Variants in DRC1 observed in about 807,000 individuals in gnomAD.
DRC1 encodes dynein regulatory complex protein 1.
DRC1 carries 74 observed loss-of-function variants against 98.7 expected under a neutral mutation model. The ratio of observed to expected loss-of-function variants is 0.75; its 90% CI spans 0.62 to 0.91. DRC1 has a LOEUF of 0.91. Ranked by LOEUF, DRC1 falls within the 40% of genes least tolerant of loss-of-function variation. The pLI is 0.00. For missense variants in DRC1, 875 were observed against 886.0 expected (o/e 0.99, Z 0.16); for synonymous variants, 336 against 334.1 (o/e 1.01, Z -0.06).
chr2:26,455,188 G>A lies in DRC1; in HGVS notation c.2121G>A (p.Gln707=), dbSNP rs774759769. ...LLLENSSLEQ[Q]NTELQALLQQ... Reference sequence around the variant, plus strand: ...TGGAAAACAGTTCTCTGGAGCAGCAGAACACAGAGCTGCAGGCGCTACTGC... The same window carrying A: ...TGGAAAACAGTTCTCTGGAGCAGCAAAACACAGAGCTGCAGGCGCTACTGC... Residue 707 remains glutamine, a synonymous_variant, in exon 16 of 17, where the codon CAG becomes CAA. Transcript: ENST00000288710. The A allele has an allele frequency of 1.2e-6, 2 of 1,614,108 alleles. No individual in the cohort carries two copies. The highest frequency in any genetic ancestry group is 1.7e-6 in the Non-Finnish European group (2 of 1,180,042).
chr2:26,450,974 C>T (rs556642517), intron 13 of DRC1, among the ~76,000 whole-genome samples: 1,762 of 128,336 alleles, frequency 0.014, 19 homozygotes, highest in Non-Finnish European at 0.015. Flanking sequence ...TGAGAACATG[C>T]GGTGTTTGGT....
intron 7 of DRC1, among the ~76,000 whole-genome samples, chr2:26,433,397 T>G (rs572109101): frequency 8.5e-5 from 13 of 152,294 alleles, no homozygotes; most frequent in African/African-American, 3.1e-4. Context: ...TACAAATATA[T>G]TTACCAGTCT....
intron 2 of DRC1, among the ~76,000 whole-genome samples, chr2:26,416,098 G>C (rs542857865): frequency 6.6e-6 from 1 of 152,096 alleles, no homozygotes. Flanking sequence ...GGTTTTGAAG[G>C]TTCCTTTCAC....
At chr2:26,456,355 C>G (rs772584329) in intron 16 of DRC1, 106 bp from the exon 17 acceptor site, 2 of 1,358,372 alleles carry the variant, frequency 1.5e-6, no homozygotes, top group Admixed American at 1.8e-5. Context: ...AGAGGAGATG[C>G]GTGCAGGGCT....
At chr2:26,430,352 G>A (rs1484990280) in intron 5 of DRC1, 1 of 362,552 alleles carries the variant, frequency 2.8e-6, no homozygotes, top group Non-Finnish European at 5.5e-6. Context: ...TCTCTCGGTT[G>A]TTAGAGACTC....
chr2:26,401,961 G>C lies in DRC1; in HGVS notation c.-29G>C. On this transcript the variant is annotated 5_prime_UTR_variant, in exon 1 of 17. Transcript: ENST00000288710. ...CTGAGGTCTGGAGGTGGTGCGGAGG[G>C]AGCCGCCTAGGGACCAGGGACTCCT... 1 of 1,571,478 alleles carries C rather than the reference G, an allele frequency of 6.4e-7. No homozygotes were observed. Among genetic ancestry groups the C allele is most frequent in the Non-Finnish European group, 8.6e-7 (1 of 1,158,460 alleles).
Position 26,402,003 on chromosome 2 carries a change from G to A in DRC1, c.14G>A (p.Gly5Glu), listed in dbSNP as rs767420758. The change falls in exon 1 of 17, where the codon GGG becomes GAG. Residue 5 changes from glycine to glutamate, a missense_variant. Physicochemically the swap from Gly to Glu is moderately conservative, Grantham distance 98. Transcript: ENST00000288710. MNPP[G>E]SLEALDPNVD... ...GGGACTCCTGCCATGAATCCGCCGG[G>A]GTCCCTAGAGGCCCTGGACCCGAAC... 14 of 1,607,680 alleles carry A rather than the reference G, an allele frequency of 8.7e-6. No individual in the cohort carries two copies. Among genetic ancestry groups the A allele is most frequent in the Admixed American group, 6.7e-5 (4 of 59,404 alleles).
Position 26,450,653 on chromosome 2 carries a change from G to A in DRC1, c.1661G>A (p.Arg554Gln), listed in dbSNP as rs374438636. 15 of 1,607,514 alleles carry A rather than the reference G, an allele frequency of 9.3e-6. No homozygotes were observed. Among genetic ancestry groups the A allele is most frequent in the African/African-American group, 5.4e-5 (4 of 73,488 alleles). The change falls in exon 13 of 17, where the codon CGA (arginine) becomes CAA (glutamine). Residue 554 changes from arginine (R) to glutamine (Q), a missense_variant. Physicochemically the swap from Arg to Gln is conservative, Grantham distance 43. Transcript: ENST00000288710. ...CTGGTGAACTTCTTCCTTAAATATC[G>A]AGCTCACCGTTTATCTTCCAGCCTC... ...YKLVNFFLKY[R>Q]AHRLSSSLQI... is the part of the protein sequence containing the mutation.
Position 26,413,661 on chromosome 2 carries a change from T to C in DRC1, c.156-683T>C, listed in dbSNP as rs560548900. On this transcript the variant is annotated intron_variant, in intron 1 of 16. Coordinates refer to ENST00000288710, the MANE Select transcript of DRC1 (RefSeq NM_145038.5). ...TGTTCATATCCTCTGCCAGTTTTTC[T>C]CTTTGGTATTTTGTCTTTTGTTTAT... Among the ~76,000 whole-genome samples the C allele has an allele frequency of 1.9e-3, 294 of 152,344 alleles. 2 individuals carry two copies. The highest frequency in any genetic ancestry group is 3.6e-3 in the Non-Finnish European group (242 of 68,018).
chr2:26,452,528 C>T (rs1460982204), intron 13 of DRC1, among the ~76,000 whole-genome samples: 1 of 152,182 alleles, frequency 6.6e-6, no homozygotes, highest in East Asian at 1.9e-4. Context: ...TGAAATTCTT[C>T]TTCTAGGATT....
chr2:26,430,925 T>C (rs1663418986), intron 6 of DRC1, 53 bp downstream of exon 6: 1 of 1,479,548 alleles, frequency 6.8e-7, no homozygotes, highest in African/African-American at 1.4e-5. Context: ...TGATTTTTAT[T>C]GTGACTGAAT....
chr2:26,415,607 C>CT (rs1038122454), intron 2 of DRC1, among the ~76,000 whole-genome samples: 15 of 152,218 alleles, frequency 9.9e-5, no homozygotes, highest in African/African-American at 3.4e-4. Context: ...ATTCATGTCA[C>CT]TTTTTTGTAC....
In DRC1 at chr2:26,454,764, C is replaced by T; in HGVS notation, c.2037C>T (p.Ala679=). 6.2e-7 allele frequency: 1 copy of T among 1,614,118 alleles called. No homozygotes were observed. The highest frequency in any genetic ancestry group is 8.5e-7 in the Non-Finnish European group (1 of 1,180,012). ...IPSSKQNLWD[A]LYTALEKYHL... The stretch of plus-strand genomic sequence containing the variant: ...CCTCCAAGCAGAACCTCTGGGATGC[C>T]CTCTACACAGCCTTGGAGAAGTACC... Residue 679 remains alanine, a synonymous_variant, in exon 15 of 17, where the codon GCC becomes GCT. Transcript: ENST00000288710. This position sits in a 1 kb window ranked among gnomAD's most constrained non-coding sequence, Gnocchi z 5.2.
chr2:26,404,006 A>G (rs1198764519), intron 1 of DRC1, among the ~76,000 whole-genome samples: 1 of 151,926 alleles, frequency 6.6e-6, no homozygotes, highest in African/African-American at 2.4e-5. Context: ...AGACTGAGGC[A>G]GGAGAATCGC....
At chr2:26,403,265 C>A (rs959694835) in intron 1 of DRC1, among the ~76,000 whole-genome samples, 1 of 152,116 alleles carries the variant, frequency 6.6e-6, no homozygotes, top group African/African-American at 2.4e-5. Flanking sequence ...AATATATGAA[C>A]CTTGGCGCAT....
At chr2:26,430,545 G>T (rs745960909) in intron 5 of DRC1, 3 of 586,352 alleles carry the variant, frequency 5.1e-6, no homozygotes, top group Non-Finnish European at 1.0e-5. Context: ...TATTGACTAA[G>T]CCACGGGACT....
At position 26,433,928 on chromosome 2, in the gene DRC1, G is replaced by GA. The variant is rs536888123; in HGVS notation, c.888+1932dup. On this transcript the variant is annotated intron_variant, in intron 7 of 16. Transcript: ENST00000288710. Reference sequence around the variant, plus strand: ...ACCACTTTCCACACTGTAACAGAGGGAAAAAAAAAATCATCCAATCAGGGA... The same window carrying GA: ...ACCACTTTCCACACTGTAACAGAGGGAAAAAAAAAAATCATCCAATCAGGGA... Among the ~76,000 whole-genome samples the GA allele has an allele frequency of 1.1e-4, 17 of 149,466 alleles. 1 individual carries two copies. Among genetic ancestry groups the GA allele is most frequent in the East Asian group, 2.0e-4 (1 of 5,128 alleles).
chr2:26,403,474 T>C (rs1379336018), intron 1 of DRC1, among the ~76,000 whole-genome samples: 1 of 152,182 alleles, frequency 6.6e-6, no homozygotes, highest in Non-Finnish European at 1.5e-5. Context: ...CCATTTAGAA[T>C]TGTAAAAATC....
intron 5 of DRC1, chr2:26,430,571 C>G (rs1172147097): frequency 3.1e-6 from 2 of 639,140 alleles, no homozygotes; most frequent in South Asian, 1.5e-5. Flanking sequence ...CACATCTCCT[C>G]TCCGCATTTG....
Sources: allele counts gnomAD v4.1 joint callset (sites outside exome capture counted in the v4.1 genomes callset), GRCh38; gene constraint gnomAD v4.1.1; non-coding constraint Gnocchi (gnomAD v3.1); transcripts MANE v1.5; gene names NCBI Gene and HGNC (gene_info 2026-07-23, HGNC 2026-07-21).